DPYS: variants seen among roughly 807,000 people sequenced by gnomAD.
DPYS encodes the protein dihydropyrimidinase, also known as dihydropyrimidine amidohydrolase.
Under a neutral mutation model 50.3 loss-of-function variants are expected in DPYS, and 39 were observed. That is an observed-to-expected ratio of 0.78 (90% CI 0.60 to 1.01). The LOEUF (loss-of-function observed/expected upper bound fraction) is 1.01, where lower values mean the gene tolerates loss of function less well. DPYS is among the 50% of genes least tolerant of loss of function. DPYS has a pLI of 0.00. For synonymous variants in DPYS, 245 were observed against 250.7 expected, an observed-to-expected ratio of 0.98 and a Z score of 0.22; for missense variants, 659 against 680.9, an observed-to-expected ratio of 0.97 and a Z score of 0.36.
intron 1 of DPYS, among the ~76,000 whole-genome samples, chr8:104,455,503 A>C (rs1813893009): frequency 2.0e-5 from 3 of 152,194 alleles, no homozygotes; most frequent in Admixed American, 2.0e-4. Flanking sequence ...ATCTGCACTT[A>C]GGAGGGACGT....
intron 7 of DPYS, among the ~76,000 whole-genome samples, chr8:104,401,288 G>GTATTATTATTAT (rs34804847): frequency 8.4e-5 from 12 of 143,044 alleles, no homozygotes; most frequent in East Asian, 4.0e-4. Flanking sequence ...TATGAGGTAG[G>GTATTATTATTAT]TATTATTATT....
chr8:104,439,150 A>G (rs1182985525), intron 4 of DPYS, among the ~76,000 whole-genome samples: 1 of 152,214 alleles, frequency 6.6e-6, no homozygotes, highest in African/African-American at 2.4e-5. Context: ...TATTACTGAC[A>G]AAACTCAGGA....
At chr8:104,463,138 A>G (rs761319678) in intron 1 of DPYS, among the ~76,000 whole-genome samples, 6 of 152,328 alleles carry the variant, frequency 3.9e-5, no homozygotes, top group African/African-American at 9.6e-5. Context: ...GCAAACAGCT[A>G]TTGGTCTAAA....
intron 3 of DPYS, among the ~76,000 whole-genome samples, chr8:104,446,443 T>G (rs2140714854): frequency 6.6e-6 from 1 of 152,332 alleles, no homozygotes; most frequent in Admixed American, 6.5e-5. Context: ...GGAATAATCC[T>G]CTTCACTTGC....
intron 7 of DPYS, among the ~76,000 whole-genome samples, chr8:104,409,981 A>C (rs2853160): frequency 0.49 from 74,301 of 151,958 alleles, 18,805 homozygotes; most frequent in Middle Eastern, 0.55. Flanking sequence ...TAGTTATTTG[A>C]GTTACTTGGG....
intron 4 of DPYS, among the ~76,000 whole-genome samples, chr8:104,442,845 T>G (rs189830098): frequency 3.7e-4 from 57 of 152,326 alleles, no homozygotes; most frequent in Admixed American, 9.2e-4. Context: ...GAGGATGGCT[T>G]GAGCCCAGGA....
intron 8 of DPYS, among the ~76,000 whole-genome samples, chr8:104,388,686 T>C (rs1182087011): frequency 6.6e-6 from 1 of 152,190 alleles, no homozygotes; most frequent in East Asian, 1.9e-4. Context: ...TTTGATGGCT[T>C]ATCTTCTGAT....
At chr8:104,461,430 A>G (rs1266727545) in intron 1 of DPYS, among the ~76,000 whole-genome samples, 1 of 152,134 alleles carries the variant, frequency 6.6e-6, no homozygotes, top group Non-Finnish European at 1.5e-5. Flanking sequence ...AATGTATTAA[A>G]CTCCTTTAAG....
intron 4 of DPYS, among the ~76,000 whole-genome samples, chr8:104,439,756 G>A (rs1422249510): frequency 6.6e-6 from 1 of 152,184 alleles, no homozygotes; most frequent in Non-Finnish European, 1.5e-5. Flanking sequence ...CTGCACTCTA[G>A]CCTGGGTGAC....
At chr8:104,449,967 C>A (rs2140729637) in intron 2 of DPYS, among the ~76,000 whole-genome samples, 1 of 152,258 alleles carries the variant, frequency 6.6e-6, no homozygotes, top group African/African-American at 2.4e-5. Flanking sequence ...CGAATAACCC[C>A]CCTGAACAGA....
At chr8:104,386,486 T>A (rs2140507013) in intron 8 of DPYS, among the ~76,000 whole-genome samples, 1 of 149,044 alleles carries the variant, frequency 6.7e-6, no homozygotes, top group South Asian at 2.1e-4. Context: ...TGAGCCAAGA[T>A]CATCCCACTG....
At chr8:104,429,867 T>G (rs1465717400) in intron 4 of DPYS, among the ~76,000 whole-genome samples, 166 bp from the exon 5 acceptor site, 3 of 152,194 alleles carry the variant, frequency 2.0e-5, no homozygotes, top group Admixed American at 2.0e-4. Context: ...TAAAAATCCA[T>G]GATGAACATA....
chr8:104,384,926 A>C (rs1455142673), intron 8 of DPYS, among the ~76,000 whole-genome samples: 1 of 152,072 alleles, frequency 6.6e-6, no homozygotes, highest in Non-Finnish European at 1.5e-5. Context: ...CTCAGACTCC[A>C]CTGATGCTTG....
At chr8:104,395,391 T>C (rs1811543081) in intron 7 of DPYS, among the ~76,000 whole-genome samples, 1 of 152,246 alleles carries the variant, frequency 6.6e-6, no homozygotes, top group African/African-American at 2.4e-5. Flanking sequence ...CATAGATTTG[T>C]GTTACCATCA....
chr8:104,385,313 T>C (rs757838111), intron 8 of DPYS, among the ~76,000 whole-genome samples: 4 of 152,198 alleles, frequency 2.6e-5, no homozygotes, highest in Non-Finnish European at 4.4e-5. Context: ...AAGGGAGATT[T>C]CTTGACTATA....
chr8:104,439,884 A>C (rs1268833588), intron 4 of DPYS, among the ~76,000 whole-genome samples: 1 of 152,224 alleles, frequency 6.6e-6, no homozygotes, highest in African/African-American at 2.4e-5. Context: ...GGAGAGTGAC[A>C]GAAAAAGTTT....
chr8:104,399,290 C>CAAAAAAAAAAAAAAAAAAAAAAAA (rs11323938), intron 7 of DPYS, among the ~76,000 whole-genome samples: 1 of 74,924 alleles, frequency 1.3e-5, no homozygotes, highest in Non-Finnish European at 2.3e-5. Context: ...GACTCCATCT[C>CAAAAAAAAAAAAAAAAAAAAAAAA]AAAAAAAAAA....
intron 1 of DPYS, among the ~76,000 whole-genome samples, chr8:104,452,874 AG>A (rs199731005): frequency 0.017 from 2,637 of 152,302 alleles, 119 homozygotes; most frequent in Admixed American, 0.099. Context: ...TAAAGTGCTT[AG>A]TACAGAGTTT....
chr8:104,443,135 C>A (rs1242813464), intron 4 of DPYS, among the ~76,000 whole-genome samples: 1 of 152,320 alleles, frequency 6.6e-6, no homozygotes, highest in Non-Finnish European at 1.5e-5. Flanking sequence ...ATAACACTGT[C>A]TCTGATTATC....
Sources: gnomAD v4.1 joint callset for allele counts (sites outside exome capture counted in the v4.1 genomes callset) on GRCh38, gnomAD v4.1.1 for gene constraint, MANE v1.5 for transcripts, NCBI Gene and HGNC (gene_info 2026-07-23, HGNC 2026-07-21) for gene names.